Variants in HMGCLL1 observed in about 807,000 individuals in gnomAD.
HMGCLL1 encodes the protein 3-hydroxymethyl-3-methylglutaryl-CoA lyase, cytoplasmic.
A neutral mutation model predicts 39.1 loss-of-function variants in HMGCLL1; 36 were observed. The ratio of observed to expected loss-of-function variants is 0.92; its 90% confidence interval spans 0.71 to 1.22. The LOEUF is 1.22. HMGCLL1 is among the 50% of genes most tolerant of loss of function. The pLI is 0.00. For synonymous variants in HMGCLL1, 149 were observed against 144.0 expected (o/e 1.03, Z -0.25); for missense variants, 451 against 416.5 (o/e 1.08, Z -0.72).
At chr6:55,662,779 C>G in the HMGCLL1 span, among the ~76,000 whole-genome samples, 1 of 151,734 alleles carries the variant, frequency 6.6e-6, no homozygotes, top group African/African-American at 2.4e-5. Context: ...CTTTGTACAT[C>G]TGGTAGAATT....
chr6:55,645,022 C>A, the HMGCLL1 span, among the ~76,000 whole-genome samples: 1 of 151,906 alleles, frequency 6.6e-6, no homozygotes, highest in Non-Finnish European at 1.5e-5. Flanking sequence ...ATTCTTCAAA[C>A]CCATGAACAT....
At chr6:55,634,985 C>G in the HMGCLL1 span, among the ~76,000 whole-genome samples, 1 of 151,968 alleles carries the variant, frequency 6.6e-6, no homozygotes, top group East Asian at 1.9e-4. Flanking sequence ...AAATAAATCC[C>G]TGAATATAAA....
the HMGCLL1 span, among the ~76,000 whole-genome samples, chr6:55,594,652 T>C: frequency 2.3e-4 from 35 of 152,166 alleles, no homozygotes; most frequent in Non-Finnish European, 3.5e-4. Context: ...GCTGATAAGA[T>C]GTGCTTGAGA....
At chr6:55,607,343 G>C in the HMGCLL1 span, among the ~76,000 whole-genome samples, 1 of 152,158 alleles carries the variant, frequency 6.6e-6, no homozygotes, top group African/African-American at 2.4e-5. Context: ...ATATTTATAG[G>C]AGAATGCTTC....
At chr6:55,658,483 A>C in the HMGCLL1 span, among the ~76,000 whole-genome samples, 1 of 151,966 alleles carries the variant, frequency 6.6e-6, no homozygotes, top group Admixed American at 6.6e-5. Flanking sequence ...GCTTCTGTCA[A>C]CTTGGGCACA....
At chr6:55,499,332 T>C in intron 5 of HMGCLL1, 33 bp from the exon 6 acceptor site, 2 of 1,481,680 alleles carry the variant, frequency 1.3e-6, no homozygotes, top group South Asian at 1.3e-5. Flanking sequence ...TAAATATGCA[T>C]ATGGTAAATA....
the HMGCLL1 span, among the ~76,000 whole-genome samples, chr6:55,623,675 T>C: frequency 6.7e-6 from 1 of 148,982 alleles, no homozygotes; most frequent in Admixed American, 6.8e-5. Flanking sequence ...ACAAACATAT[T>C]ATATATAATA....
At chr6:55,647,047 CT>C in the HMGCLL1 span, among the ~76,000 whole-genome samples, 1 of 151,880 alleles carries the variant, frequency 6.6e-6, no homozygotes, top group Non-Finnish European at 1.5e-5. Flanking sequence ...GTAATATTTG[CT>C]TTATATATCT....
At chr6:55,662,468 A>G in the HMGCLL1 span, among the ~76,000 whole-genome samples, 1 of 151,784 alleles carries the variant, frequency 6.6e-6, no homozygotes, top group Admixed American at 6.6e-5. Flanking sequence ...TAGTTTTAGT[A>G]TGTGAGGGAT....
intron 7 of HMGCLL1, among the ~76,000 whole-genome samples, chr6:55,467,290 T>A (rs987041236): frequency 7.2e-5 from 11 of 152,114 alleles, no homozygotes; most frequent in African/African-American, 2.7e-4. Context: ...CTCCATGTAA[T>A]ACAAAATATA....
At chr6:55,605,433 AT>A in the HMGCLL1 span, among the ~76,000 whole-genome samples, 1 of 152,202 alleles carries the variant, frequency 6.6e-6, no homozygotes, top group East Asian at 1.9e-4. Context: ...CTGCATAATA[AT>A]TAAATACATT....
chr6:55,462,421 C>G (rs73744300), intron 7 of HMGCLL1, among the ~76,000 whole-genome samples: 30,740 of 152,078 alleles, frequency 0.2, 3,908 homozygotes, highest in African/African-American at 0.37. Flanking sequence ...CCCCTGCCCC[C>G]ATGACCTCTC....
At chr6:55,516,730 A>G (rs766659758) in intron 3 of HMGCLL1, 127 bp from the exon 4 acceptor site, 161 of 514,266 alleles carry the variant, frequency 3.1e-4, no homozygotes, top group Non-Finnish European at 4.8e-4. Context: ...GAAATAAAAA[A>G]AAATGCCAGT....
At chr6:55,598,305 A>G in the HMGCLL1 span, among the ~76,000 whole-genome samples, 1 of 152,242 alleles carries the variant, frequency 6.6e-6, no homozygotes, top group Middle Eastern at 3.4e-3. Context: ...GCTTGTGTTG[A>G]AAAAAATTAC....
intron 1 of HMGCLL1, among the ~76,000 whole-genome samples, chr6:55,556,785 G>A (rs942116945): frequency 6.6e-6 from 1 of 152,066 alleles, no homozygotes; most frequent in Non-Finnish European, 1.5e-5. Context: ...TGGGTACGAG[G>A]GCCAAGTGGA....
At chr6:55,629,996 G>A in the HMGCLL1 span, among the ~76,000 whole-genome samples, 1 of 152,178 alleles carries the variant, frequency 6.6e-6, no homozygotes. Flanking sequence ...CCCACACAGT[G>A]TCCCTATTGG....
At chr6:55,546,918 CCCA>C (rs1770011784) in intron 1 of HMGCLL1, among the ~76,000 whole-genome samples, 1 of 152,106 alleles carries the variant, frequency 6.6e-6, no homozygotes, top group South Asian at 2.1e-4. Flanking sequence ...TGAGCGTATG[CCCA>C]CGTTTGGCAT....
chr6:55,650,849 G>A, the HMGCLL1 span, among the ~76,000 whole-genome samples: 1 of 151,982 alleles, frequency 6.6e-6, no homozygotes, highest in African/African-American at 2.4e-5. Flanking sequence ...GTTCTGCCAG[G>A]CCACCACGAA....
At chr6:55,656,442 G>A in the HMGCLL1 span, among the ~76,000 whole-genome samples, 4 of 152,052 alleles carry the variant, frequency 2.6e-5, no homozygotes, top group East Asian at 5.9e-4. Flanking sequence ...GTTATGTGGG[G>A]CATATAACTA....
Sources: gnomAD v4.1 joint callset for allele counts (sites outside exome capture counted in the v4.1 genomes callset) on GRCh38, gnomAD v4.1.1 for gene constraint, MANE v1.5 for transcripts, NCBI Gene and HGNC (gene_info 2026-07-23, HGNC 2026-07-21) for gene names.